The following ZNF438 variants were observed in gnomAD, a reference collection of about 807,000 sequenced individuals.
ZNF438 encodes the protein zinc finger protein 438.
In ZNF438, 25 loss-of-function variants were observed where a neutral mutation model predicts 38.0. The observed-to-expected ratio is 0.66, with a 90% CI of 0.48 to 0.92. The LOEUF is 0.92. Ranked by LOEUF, ZNF438 falls within the 40% of genes least tolerant of loss-of-function variation. ZNF438 has a pLI of 0.00. For missense variants in ZNF438, 1,007 were observed against 999.6 expected, an observed-to-expected ratio of 1.01 and a Z score of -0.10; for synonymous variants, 372 against 364.1, an observed-to-expected ratio of 1.02 and a Z score of -0.25.
At chr10:30,936,301 A>G (rs762240961) in intron 2 of ZNF438, among the ~76,000 whole-genome samples, 2 of 152,224 alleles carry the variant, frequency 1.3e-5, no homozygotes, top group African/African-American at 2.4e-5. Flanking sequence ...TCTCTACTAC[A>G]GAATCCCTCA....
chr10:30,944,244 T>C (rs1466884907), intron 1 of ZNF438, among the ~76,000 whole-genome samples: 2 of 152,180 alleles, frequency 1.3e-5, no homozygotes, highest in East Asian at 3.8e-4. Flanking sequence ...CATTGTCCAG[T>C]CATCTACATA....
intron 1 of ZNF438, among the ~76,000 whole-genome samples, chr10:31,008,378 G>T (rs368021512): frequency 3.3e-5 from 5 of 152,046 alleles, no homozygotes; most frequent in African/African-American, 1.2e-4. Context: ...CACAATCACC[G>T]CAACTTTAGA....
chr10:31,001,788 G>C (rs979682402), intron 1 of ZNF438, among the ~76,000 whole-genome samples: 20 of 152,086 alleles, frequency 1.3e-4, no homozygotes, highest in Admixed American at 6.5e-5. Context: ...CAATAATTTA[G>C]TTCAATAGTT....
chr10:30,851,643 C>G lies in ZNF438; in HGVS notation c.38-1276G>C, dbSNP rs149275139. On this transcript the variant is annotated intron_variant, in intron 4 of 5. Coordinates refer to ENST00000413025, the Ensembl canonical transcript of ZNF438. ...CCCATAATTGAACCTATTACCACTT[C>G]TGTAGCAAAACATGCAAATATTCGC... is the stretch of plus-strand genomic sequence containing the variant. Among the ~76,000 whole-genome samples the G allele has an allele frequency of 2.6e-3, 392 of 152,338 alleles. 1 individual carries two copies. Among genetic ancestry groups the G allele is most frequent in the African/African-American group, 9.2e-3 (382 of 41,576 alleles).
At chr10:30,859,979 T>C (rs959904749) in intron 4 of ZNF438, among the ~76,000 whole-genome samples, 2 of 152,174 alleles carry the variant, frequency 1.3e-5, no homozygotes, top group Non-Finnish European at 2.9e-5. Flanking sequence ...AAAATCTCTC[T>C]GCCCTTCTGT....
At chr10:30,845,361 T>C in exon 6 of ZNF438, 2 of 1,614,174 alleles carry the variant, frequency 1.2e-6, no homozygotes, top group African/African-American at 1.3e-5. Flanking sequence ...GGGGCTAGCG[T>C]GCTGCACCAA....
At chr10:30,895,256 T>C (rs1467846958) in intron 3 of ZNF438, among the ~76,000 whole-genome samples, 1 of 152,236 alleles carries the variant, frequency 6.6e-6, no homozygotes, top group African/African-American at 2.4e-5. Context: ...CATTTTGTAC[T>C]CCAAATGTGT....
At chr10:31,001,928 A>G (rs1394532900) in intron 1 of ZNF438, among the ~76,000 whole-genome samples, 1 of 152,238 alleles carries the variant, frequency 6.6e-6, no homozygotes, top group Non-Finnish European at 1.5e-5. Flanking sequence ...AATGCAAATC[A>G]GAGTGCTCAT....
intron 4 of ZNF438, among the ~76,000 whole-genome samples, chr10:30,866,847 C>G (rs1478194167): frequency 6.8e-6 from 1 of 147,696 alleles, no homozygotes; most frequent in Non-Finnish European, 1.5e-5. Flanking sequence ...AAAAAAAAAC[C>G]AAAAACGAAA....
chr10:30,986,825 T>C (rs532740466), intron 1 of ZNF438, among the ~76,000 whole-genome samples: 4 of 152,204 alleles, frequency 2.6e-5, no homozygotes, highest in Non-Finnish European at 4.4e-5. Context: ...AGATCAGAGA[T>C]GCTCAATCTG....
In ZNF438 at chr10:30,980,254, TA is replaced by T. The variant is rs368647419; in HGVS notation, c.-191-38604del. ...AGGAATGACAGAAACTGTTTAACAT[TA>T]AAAAAAAAAAAAAAAACACCTTTTA... On this transcript the variant is annotated intron_variant, in intron 1 of 5. Transcript: ENST00000413025. 9.8e-3 allele frequency among the ~76,000 whole-genome samples: 1,331 copies of T among 136,210 alleles called. 10 individuals are homozygous for T. The highest frequency in any genetic ancestry group is 0.029 in the African/African-American group (1,046 of 36,390). The allele number at this position is 136,210 out of a possible 152,430, so 89.4% of individuals were successfully genotyped here.
chr10:30,963,969 T>C (rs2049833256), intron 1 of ZNF438, among the ~76,000 whole-genome samples: 1 of 152,186 alleles, frequency 6.6e-6, no homozygotes, highest in African/African-American at 2.4e-5. Context: ...CTTATTCCTG[T>C]CTTCCTGCTG....
chr10:30,980,206 A>G (rs915572106), intron 1 of ZNF438, among the ~76,000 whole-genome samples: 1 of 151,268 alleles, frequency 6.6e-6, no homozygotes, highest in African/African-American at 2.4e-5. Context: ...TGTGCTGGGT[A>G]GCCACTGAAG....
At chr10:31,001,425 G>A (rs1000058684) in intron 1 of ZNF438, among the ~76,000 whole-genome samples, 11 of 152,088 alleles carry the variant, frequency 7.2e-5, no homozygotes, top group Admixed American at 6.6e-4. Flanking sequence ...CCACATTCTG[G>A]GGAGGCCCAC....
chr10:30,933,774 T>C (rs1489101637), intron 2 of ZNF438, among the ~76,000 whole-genome samples: 1 of 152,190 alleles, frequency 6.6e-6, no homozygotes, highest in Non-Finnish European at 1.5e-5. Context: ...ACACTTCACT[T>C]GACCTGGCCC....
chr10:30,973,861 T>C (rs1183950613), intron 1 of ZNF438, among the ~76,000 whole-genome samples: 1 of 152,212 alleles, frequency 6.6e-6, no homozygotes, highest in Non-Finnish European at 1.5e-5. Context: ...AACTGTGACA[T>C]GTTCATTATT....
chr10:31,011,816 A>C (rs2055729604), intron 1 of ZNF438, among the ~76,000 whole-genome samples: 1 of 152,240 alleles, frequency 6.6e-6, no homozygotes, highest in Non-Finnish European at 1.5e-5. Flanking sequence ...AAAGTAAAAC[A>C]GATGTTATGT....
chr10:30,878,537 C>T (rs2038785487), intron 3 of ZNF438, among the ~76,000 whole-genome samples: 1 of 152,136 alleles, frequency 6.6e-6, no homozygotes, highest in South Asian at 2.1e-4. Context: ...TCTTGGACAC[C>T]ACACAAGGGC....
At chr10:31,017,544 A>G (rs2056288762) in intron 1 of ZNF438, among the ~76,000 whole-genome samples, 1 of 152,272 alleles carries the variant, frequency 6.6e-6, no homozygotes, top group Admixed American at 6.5e-5. Context: ...GTTCCACAAG[A>G]AAGTAGTAAC....
Sources: allele counts gnomAD v4.1 joint callset (sites outside exome capture counted in the v4.1 genomes callset), GRCh38; gene constraint gnomAD v4.1.1; transcripts MANE v1.5; gene names NCBI Gene and HGNC (gene_info 2026-07-23, HGNC 2026-07-21).